CLDN18: variants seen among roughly 807,000 people sequenced by gnomAD.
The protein encoded by CLDN18 is claudin-18.
A neutral mutation model predicts 25.0 loss-of-function variants in CLDN18; 20 were observed. That is an observed-to-expected ratio of 0.80 (90% CI 0.56 to 1.16). The LOEUF (loss-of-function observed/expected upper bound fraction) is 1.16, where lower values mean the gene tolerates loss of function less well. CLDN18 is among the 50% of genes most tolerant of loss of function. The pLI, the probability that CLDN18 is intolerant of heterozygous loss-of-function variation, is 0.00. For missense variants in CLDN18, 297 were observed against 345.4 expected, an observed-to-expected ratio of 0.86 and a Z score of 1.11; for synonymous variants, 125 against 135.6, an observed-to-expected ratio of 0.92 and a Z score of 0.54.
chr3:138,018,265 G>T (rs182868349), intron 1 of CLDN18, among the ~76,000 whole-genome samples: 2 of 152,032 alleles, frequency 1.3e-5, no homozygotes, highest in Admixed American at 6.5e-5. Context: ...CAAAGATAGT[G>T]CCTTTTGTTG....
chr3:138,022,334 T>C (rs976580357), intron 1 of CLDN18, among the ~76,000 whole-genome samples: 2 of 152,204 alleles, frequency 1.3e-5, no homozygotes, highest in African/African-American at 4.8e-5. Context: ...TCAATATTAC[T>C]ACTCAAAGTA....
intron 1 of CLDN18, among the ~76,000 whole-genome samples, chr3:138,000,423 G>A (rs1277432618): frequency 3.3e-5 from 5 of 152,194 alleles, no homozygotes; most frequent in Non-Finnish European, 5.9e-5. Context: ...CTTACTCAGG[G>A]GCAATGAGAG....
intron 1 of CLDN18, among the ~76,000 whole-genome samples, chr3:138,016,442 G>A (rs1942204076): frequency 6.6e-6 from 1 of 152,152 alleles, no homozygotes; most frequent in East Asian, 1.9e-4. Context: ...TTTAAAGCAT[G>A]GATGACCTGC....
At chr3:138,013,564 C>G (rs946485296) in intron 1 of CLDN18, among the ~76,000 whole-genome samples, 1 of 152,246 alleles carries the variant, frequency 6.6e-6, no homozygotes, top group Non-Finnish European at 1.5e-5. Context: ...ACACATGTCA[C>G]TCACAGTGCG....
At chr3:138,008,212 G>A (rs917039143), upstream of CLDN18, among the ~76,000 whole-genome samples, 5 of 140,852 alleles carry the variant, frequency 3.5e-5, no homozygotes, top group African/African-American at 1.3e-4. Context: ...ATTGGAGTAT[G>A]TATGTGGGGG....
chr3:138,010,066 GC>G, upstream of CLDN18: 1 of 1,227,062 alleles, frequency 8.1e-7, no homozygotes, highest in South Asian at 1.6e-5. Context: ...TGAACCAGGA[GC>G]GAAACTGAGC....
At chr3:137,999,965 T>C (rs1941998262) in intron 1 of CLDN18, among the ~76,000 whole-genome samples, 1 of 152,124 alleles carries the variant, frequency 6.6e-6, no homozygotes, top group African/African-American at 2.4e-5. Flanking sequence ...CATATTGAAG[T>C]CTTGAGAGGG....
At chr3:138,021,512 T>G (rs1310809584) in intron 1 of CLDN18, among the ~76,000 whole-genome samples, 1 of 152,158 alleles carries the variant, frequency 6.6e-6, no homozygotes, top group African/African-American at 2.4e-5. Flanking sequence ...AATTCCTTCC[T>G]GGAAAACTAC....
chr3:138,022,024 G>A (rs1157064528), intron 1 of CLDN18, among the ~76,000 whole-genome samples: 1 of 152,134 alleles, frequency 6.6e-6, no homozygotes, highest in East Asian at 1.9e-4. Flanking sequence ...GAATGTATGT[G>A]GACCATAGGA....
At chr3:138,010,084 A>T, upstream of CLDN18, 5 of 1,364,732 alleles carry the variant, frequency 3.7e-6, no homozygotes, top group Non-Finnish European at 4.8e-6. Context: ...GAGCTATCTA[A>T]GGAAAACACT....
intron 1 of CLDN18, among the ~76,000 whole-genome samples, chr3:138,013,942 G>A (rs1942171229): frequency 6.8e-6 from 1 of 148,026 alleles, no homozygotes; most frequent in Admixed American, 6.7e-5. Flanking sequence ...TTTCTGCAAT[G>A]TAAAAATTCC....
At chr3:138,004,353 C>T (rs1942046366) in intron 1 of CLDN18, among the ~76,000 whole-genome samples, 2 of 151,970 alleles carry the variant, frequency 1.3e-5, no homozygotes, top group Admixed American at 1.3e-4. Flanking sequence ...TTCAGAGCCT[C>T]AGCTCTTCTC....
intron 1 of CLDN18, among the ~76,000 whole-genome samples, chr3:138,022,698 G>A (rs1942284741): frequency 6.6e-6 from 1 of 152,166 alleles, no homozygotes; most frequent in African/African-American, 2.4e-5. Context: ...TAGGGGCCTT[G>A]CCTTCTGGAA....
At position 138,031,088 on chromosome 3, in the gene CLDN18, G is replaced by T; in HGVS notation, c.733G>T (p.Ala245Ser). ...AAACAAGAAGATATACGATGGAGGT[G>T]CCCGCACAGAGGACGAGGTACAATC... is the stretch of plus-strand genomic sequence containing the variant. ...TKNKKIYDGG[A>S]RTEDEVQSYP... is the part of the protein sequence containing the mutation. The change falls in exon 5 of 5, where the codon GCC (alanine) becomes TCC (serine). Residue 245 changes from alanine (A) to serine (S), a missense_variant. Ala to Ser is a moderately conservative substitution (Grantham distance 99). Coordinates refer to ENST00000183605, the MANE Select transcript of CLDN18 (RefSeq NM_016369.4). The T allele has an allele frequency of 3.7e-6, 6 of 1,614,094 alleles. No homozygotes were observed. The highest frequency in any genetic ancestry group is 5.1e-6 in the Non-Finnish European group (6 of 1,180,014).
rs1224959162 is a variant in CLDN18 at position 138,010,237 on chromosome 3, C to T, written c.12C>T (p.Thr4=). The change falls in exon 1 of 5, where the codon ACC becomes ACT. Residue 4 remains threonine, a synonymous_variant. Coordinates refer to ENST00000183605, the MANE Select transcript of CLDN18 (RefSeq NM_016369.4). The part of the protein sequence containing the change: MST[T]TCQVVAFLLS... ...GGGCGGCCAGGATCATGTCCACCAC[C>T]ACATGCCAAGTGGTGGCGTTCCTCC... 3 of 1,613,146 alleles carry T rather than the reference C, an allele frequency of 1.9e-6. No individual in the cohort carries two copies. Among genetic ancestry groups the T allele is most frequent in the Non-Finnish European group, 2.5e-6 (3 of 1,179,742 alleles).
chr3:138,001,835 T>C (rs1942019544), intron 1 of CLDN18, among the ~76,000 whole-genome samples: 1 of 152,182 alleles, frequency 6.6e-6, no homozygotes, highest in African/African-American at 2.4e-5. Flanking sequence ...AGTATAACAA[T>C]AGACTTCAAT....
intron 1 of CLDN18, among the ~76,000 whole-genome samples, chr3:138,001,642 T>G (rs1300564157): frequency 6.6e-6 from 1 of 152,160 alleles, no homozygotes; most frequent in Non-Finnish European, 1.5e-5. Context: ...ATGCCTTCTC[T>G]TAAAACGTGT....
At chr3:138,012,766 C>T (rs1287359665) in intron 1 of CLDN18, among the ~76,000 whole-genome samples, 2 of 152,176 alleles carry the variant, frequency 1.3e-5, no homozygotes, top group South Asian at 2.1e-4. Context: ...TTGTCGGCAC[C>T]GTAAATTCCA....
chr3:138,018,088 T>C (rs1051398862), intron 1 of CLDN18, among the ~76,000 whole-genome samples: 4 of 152,176 alleles, frequency 2.6e-5, no homozygotes, highest in African/African-American at 9.7e-5. Context: ...AGAGTTGTAG[T>C]TGCATCTCAC....
Sources: gnomAD v4.1 joint callset for allele counts (sites outside exome capture counted in the v4.1 genomes callset) on GRCh38, gnomAD v4.1.1 for gene constraint, MANE v1.5 for transcripts, NCBI Gene and HGNC (gene_info 2026-07-23, HGNC 2026-07-21) for gene names.